DDAH1: variants seen among roughly 807,000 people sequenced by gnomAD.
The protein encoded by DDAH1 is dimethylarginine dimethylaminohydrolase 1, also known as N(G),N(G)-dimethylarginine dimethylaminohydrolase 1.
In DDAH1, 19 loss-of-function variants were observed where a neutral mutation model predicts 28.8. The ratio of observed to expected loss-of-function variants is 0.66; its 90% CI spans 0.46 to 0.97. The LOEUF is 0.97. Among genes scored for constraint, DDAH1 ranks in the 50% least tolerant of loss-of-function variants. The probability of loss-of-function intolerance (pLI) is 0.00; values close to 1 mark genes in which losing one functional copy is unlikely to be tolerated. For missense variants in DDAH1, 326 were observed against 375.9 expected, an observed-to-expected ratio of 0.87 and a Z score of 1.10; for synonymous variants, 153 against 154.4, an observed-to-expected ratio of 0.99 and a Z score of 0.07.
In DDAH1 at chr1:85,529,152, T is replaced by C. The variant is rs373272745; in HGVS notation, c.-122-32871A>G. ...AAAAGGGTAATTATTTAAAGAAACT[T>C]TGTGGTGATTACATCTGTGAAAATG... On this transcript the variant is annotated intron_variant, in intron 1 of 6. Transcript: ENST00000426972. Among the ~76,000 whole-genome samples, 297 of 151,672 alleles carry C rather than the reference T, an allele frequency of 2.0e-3. 3 individuals carry two copies. Among genetic ancestry groups the C allele is most frequent in the Middle Eastern group, 0.01 (3 of 294 alleles).
intron 1 of DDAH1, among the ~76,000 whole-genome samples, chr1:85,561,721 G>A (rs965654437): frequency 6.6e-6 from 1 of 152,158 alleles, no homozygotes; most frequent in Non-Finnish European, 1.5e-5. Context: ...CATGTTAGGT[G>A]TAATGATGGA....
chr1:85,436,253 T>G (rs1193061943), intron 1 of DDAH1, among the ~76,000 whole-genome samples: 1 of 152,076 alleles, frequency 6.6e-6, no homozygotes, highest in Non-Finnish European at 1.5e-5. Flanking sequence ...TTTCCCTTTA[T>G]TTTAACTTTA....
chr1:85,512,482 G>T (rs1557709242), intron 1 of DDAH1, among the ~76,000 whole-genome samples: 1 of 152,154 alleles, frequency 6.6e-6, no homozygotes, highest in Non-Finnish European at 1.5e-5. Context: ...TCAACATAGT[G>T]TTGGAAGTTC....
At chr1:85,502,612 C>A (rs1463055631) in intron 1 of DDAH1, among the ~76,000 whole-genome samples, 2 of 152,170 alleles carry the variant, frequency 1.3e-5, no homozygotes, top group African/African-American at 4.8e-5. Context: ...TAGTACCTCC[C>A]TAAGAAGTTT....
At chr1:85,566,336 C>T (rs190122102) in intron 1 of DDAH1, among the ~76,000 whole-genome samples, 9 of 150,858 alleles carry the variant, frequency 6.0e-5, no homozygotes, top group East Asian at 2.0e-4. Context: ...CTCATTTCTA[C>T]AAAAAATTAT....
At chr1:85,530,990 CAAAAAAAAA>C (rs56149686) in intron 1 of DDAH1, among the ~76,000 whole-genome samples, 6 of 43,626 alleles carry the variant, frequency 1.4e-4, no homozygotes, top group Admixed American at 3.0e-4. Flanking sequence ...GACTCTGTCT[CAAAAAAAAA>C]AAAAAAAAAA....
At chr1:85,448,902 T>G (rs970990771) in intron 1 of DDAH1, among the ~76,000 whole-genome samples, 3 of 152,296 alleles carry the variant, frequency 2.0e-5, no homozygotes, top group African/African-American at 7.2e-5. Context: ...AGAACAAGTT[T>G]GTTAAACTGA....
intron 1 of DDAH1, among the ~76,000 whole-genome samples, chr1:85,427,541 A>C (rs1171308764): frequency 6.6e-6 from 1 of 152,188 alleles, no homozygotes; most frequent in Non-Finnish European, 1.5e-5. Context: ...AGCAAGTACA[A>C]AACGCTTGTG....
At chr1:85,376,566 A>C (rs1650676754) in intron 1 of DDAH1, among the ~76,000 whole-genome samples, 1 of 152,012 alleles carries the variant, frequency 6.6e-6, no homozygotes, top group Non-Finnish European at 1.5e-5. Context: ...AGAGTTGGAG[A>C]AGCTTTTCTT....
intron 1 of DDAH1, chr1:85,435,035 T>C (rs1396595927): frequency 6.6e-6 from 1 of 152,174 alleles, no homozygotes; most frequent in Non-Finnish European, 1.5e-5. Context: ...GTTGTTCCTA[T>C]AACTGTTTTA....
At chr1:85,475,289 T>C (rs979911803) in intron 2 of DDAH1, among the ~76,000 whole-genome samples, 1 of 152,190 alleles carries the variant, frequency 6.6e-6, no homozygotes, top group African/African-American at 2.4e-5. Flanking sequence ...TAGCAAGTGC[T>C]CAACAAACGT....
At chr1:85,487,991 C>T (rs969402542) in intron 2 of DDAH1, among the ~76,000 whole-genome samples, 9 of 152,152 alleles carry the variant, frequency 5.9e-5, no homozygotes, top group African/African-American at 2.2e-4. Flanking sequence ...CGAGACCAGC[C>T]TGACCAACAT....
At chr1:85,454,094 AG>A (rs1654779291) in intron 1 of DDAH1, among the ~76,000 whole-genome samples, 1 of 152,168 alleles carries the variant, frequency 6.6e-6, no homozygotes, top group South Asian at 2.1e-4. Context: ...CAAGGGATTC[AG>A]GGAATGCTGC....
At chr1:85,481,784 G>T (rs1010130116) in intron 2 of DDAH1, among the ~76,000 whole-genome samples, 7 of 152,178 alleles carry the variant, frequency 4.6e-5, no homozygotes, top group African/African-American at 1.7e-4. Flanking sequence ...TGAAGGCTGG[G>T]GGCACAGTTT....
At chr1:85,369,317 G>C (rs1455390065) in intron 1 of DDAH1, among the ~76,000 whole-genome samples, 1 of 150,020 alleles carries the variant, frequency 6.7e-6, no homozygotes, top group Non-Finnish European at 1.5e-5. Context: ...TTGACTCTCT[G>C]TATATGTTTA....
chr1:85,404,610 A>T (rs954741006), intron 1 of DDAH1: 3 of 1,156,798 alleles, frequency 2.6e-6, no homozygotes, highest in Non-Finnish European at 3.3e-6. Flanking sequence ...GTCTGCTGAA[A>T]CCGAATCCAA....
intron 5 of DDAH1, among the ~76,000 whole-genome samples, chr1:85,322,457 CAG>C (rs1661390563): frequency 1.3e-5 from 2 of 152,176 alleles, no homozygotes; most frequent in African/African-American, 4.8e-5. Context: ...TTTTTAAAAA[CAG>C]AATCACTTGA....
intron 1 of DDAH1, among the ~76,000 whole-genome samples, chr1:85,551,696 CAG>C (rs1449405451): frequency 6.6e-6 from 1 of 152,178 alleles, no homozygotes; most frequent in African/African-American, 2.4e-5. Context: ...TAAAATGGGA[CAG>C]ATGTTATGAC....
In DDAH1 at chr1:85,321,490, A is replaced by G. The variant is rs1420402227; in HGVS notation, c.820T>C (p.Cys274Arg). ...TTCTTGTTAATTAAAACTGAGCAGC[A>G]GGTGAGCAGCCCATCCACCTTTTCC... ...ELEKVDGLLT[C>R]CSVLINKKVD... The change falls in exon 6 of 6, where the codon TGC becomes CGC. Residue 274 changes from cysteine (C) to arginine (R), a missense_variant. By Grantham distance (180) the Cys-to-Arg change is radical. Coordinates refer to ENST00000284031, the MANE Select transcript of DDAH1 (RefSeq NM_012137.4). 1 of 1,614,152 alleles carries G rather than the reference A, an allele frequency of 6.2e-7. No individual in the cohort carries two copies. Among genetic ancestry groups the G allele is most frequent in the Non-Finnish European group, 8.5e-7 (1 of 1,179,964 alleles).
Sources: gnomAD v4.1 joint callset for allele counts (sites outside exome capture counted in the v4.1 genomes callset) on GRCh38, gnomAD v4.1.1 for gene constraint, MANE v1.5 for transcripts, NCBI Gene and HGNC (gene_info 2026-07-23, HGNC 2026-07-21) for gene names.